Variants in DLG1 observed in about 807,000 individuals in gnomAD.
DLG1 encodes the protein discs large MAGUK scaffold protein 1, also known as disks large homolog 1.
In DLG1, 42 loss-of-function variants were observed where a neutral mutation model predicts 123.4. That is an observed-to-expected ratio of 0.34 (90% CI 0.27 to 0.44). The LOEUF (loss-of-function observed/expected upper bound fraction) is 0.44. Among genes scored for constraint, DLG1 ranks in the 20% least tolerant of loss-of-function variants. The pLI is 1.00. For missense variants in DLG1, 942 were observed against 1,082.6 expected (o/e 0.87, Z 1.82); for synonymous variants, 317 against 356.2 (o/e 0.89, Z 1.24).
intron 24 of DLG1, among the ~76,000 whole-genome samples, chr3:197,046,159 C>CCAA (rs1289664371): frequency 1.3e-5 from 2 of 152,054 alleles, no homozygotes; most frequent in African/African-American, 4.8e-5. Flanking sequence ...TTGATGCACC[C>CCAA]CAACAGCACA....
intron 4 of DLG1, among the ~76,000 whole-genome samples, chr3:197,195,122 C>T (rs1721760445): frequency 6.6e-6 from 1 of 151,816 alleles, no homozygotes; most frequent in Non-Finnish European, 1.5e-5. Context: ...AGCTTCCTCA[C>T]ACCAAGCTGA....
At chr3:197,046,562 G>A (rs560261876) in intron 24 of DLG1, among the ~76,000 whole-genome samples, 2 of 152,264 alleles carry the variant, frequency 1.3e-5, no homozygotes, top group South Asian at 4.1e-4. Flanking sequence ...AATTGAGGGA[G>A]GGACATTTTA....
chr3:197,255,888 G>A (rs1756622681), intron 4 of DLG1, among the ~76,000 whole-genome samples: 1 of 152,052 alleles, frequency 6.6e-6, no homozygotes, highest in South Asian at 2.1e-4. Context: ...AGTGATTGCA[G>A]TTATAAAAAG....
intron 5 of DLG1, among the ~76,000 whole-genome samples, chr3:197,192,467 A>G (rs1330251476): frequency 6.6e-6 from 1 of 151,970 alleles, no homozygotes; most frequent in African/African-American, 2.4e-5. Flanking sequence ...GAAACCAAAA[A>G]AGAAAAAAAT....
chr3:197,179,218 G>A (rs1307837192), intron 5 of DLG1, among the ~76,000 whole-genome samples: 1 of 152,284 alleles, frequency 6.6e-6, no homozygotes, highest in African/African-American at 2.4e-5. Flanking sequence ...AAGGGATTTA[G>A]GATCTAAAAA....
chr3:197,157,354 A>C (rs1393910591), intron 5 of DLG1, among the ~76,000 whole-genome samples: 1 of 152,248 alleles, frequency 6.6e-6, no homozygotes, highest in African/African-American at 2.4e-5. Context: ...GTCAATACAC[A>C]AAAATCAGTT....
intron 17 of DLG1, chr3:197,078,539 T>C (rs554729330): frequency 6.6e-6 from 1 of 152,206 alleles, no homozygotes; most frequent in South Asian, 2.1e-4. Flanking sequence ...AGGAACTAGA[T>C]AAAAGAGAAC....
At chr3:197,183,835 A>G in intron 5 of DLG1, 1 of 1,543,068 alleles carries the variant, frequency 6.5e-7, no homozygotes, top group Non-Finnish European at 8.8e-7. Context: ...GTGGTTGCCA[A>G]GCAGGCTTAC....
At chr3:197,120,728 C>A (rs1775895590) in intron 11 of DLG1, among the ~76,000 whole-genome samples, 1 of 152,120 alleles carries the variant, frequency 6.6e-6, no homozygotes, top group African/African-American at 2.4e-5. Context: ...GGATGAAAGA[C>A]AACAGGAAAT....
rs1730163967 is a variant in DLG1, at chr3:197,209,294, GAA to G, written c.319-14707_319-14706del. On this transcript the variant is annotated intron_variant, in intron 4 of 24. Coordinates refer to ENST00000667157, the MANE Select transcript of DLG1 (RefSeq NM_001366207.1). ...CTTCAAGACAGAGTATTTATCTAAA[GAA>G]AAAGAGATTTCAAAATGCTAAAAAT... Among the ~76,000 whole-genome samples the G allele has an allele frequency of 1.4e-5, 2 of 146,432 alleles. 1 individual carries two copies.
intron 24 of DLG1, among the ~76,000 whole-genome samples, chr3:197,050,375 A>C (rs1726634397): frequency 6.7e-6 from 1 of 149,162 alleles, no homozygotes; most frequent in African/African-American, 2.4e-5. Flanking sequence ...TCAAAAAAAA[A>C]CAACAACAAA....
chr3:197,074,936 G>T (rs9837230), intron 18 of DLG1, among the ~76,000 whole-genome samples: 113,882 of 151,794 alleles, frequency 0.75, 42,881 homozygotes, highest in East Asian at 0.82. Context: ...ATCAATGAAT[G>T]ACAAAGAAGT....
intron 3 of DLG1, among the ~76,000 whole-genome samples, chr3:197,291,265 T>A (rs1035316393): frequency 6.6e-6 from 1 of 151,228 alleles, no homozygotes; most frequent in Non-Finnish European, 1.5e-5. Flanking sequence ...GTGATCCATA[T>A]CCTGTTTTCC....
chr3:197,272,421 T>C lies in DLG1; in HGVS notation c.318+10258A>G, dbSNP rs182461826. On this transcript the variant is annotated intron_variant, in intron 4 of 24. Transcript: ENST00000667157. ...TTTATTAGGTTTTAATCTCTTTTAA[T>C]ATGTCACTCACAAAGTTTTAAGTGT... Among the ~76,000 whole-genome samples, 7 of 152,314 alleles carry C rather than the reference T, an allele frequency of 4.6e-5. No homozygotes were observed. In the East Asian group the frequency reaches 1.3e-3, roughly 29 times the overall value.
chr3:197,091,352 T>C (rs1160715029), intron 14 of DLG1, among the ~76,000 whole-genome samples: 1 of 151,936 alleles, frequency 6.6e-6, no homozygotes, highest in Non-Finnish European at 1.5e-5. Context: ...GTGTAAATTT[T>C]AAAAATCAGG....
At chr3:197,292,016 G>C (rs926482565) in intron 3 of DLG1, among the ~76,000 whole-genome samples, 1 of 152,164 alleles carries the variant, frequency 6.6e-6, no homozygotes, top group African/African-American at 2.4e-5. Context: ...TGTGCTGCTG[G>C]TGAGACTGTA....
intron 23 of DLG1, among the ~76,000 whole-genome samples, chr3:197,054,868 T>G (rs1578200088): frequency 6.6e-6 from 1 of 151,866 alleles, no homozygotes; most frequent in African/African-American, 2.4e-5. Context: ...TAGGCTGGGG[T>G]GCAATGGTAT....
At chr3:197,297,995 G>A (rs1778353940) in intron 1 of DLG1, 3 of 909,356 alleles carry the variant, frequency 3.3e-6, no homozygotes, top group Non-Finnish European at 1.3e-6. Flanking sequence ...CTTCTCGGCC[G>A]CGCCGCCTCC....
chr3:197,151,513 T>C (rs1219160046), intron 5 of DLG1, among the ~76,000 whole-genome samples: 7 of 152,098 alleles, frequency 4.6e-5, no homozygotes, highest in African/African-American at 1.4e-4. Flanking sequence ...AATAAAACAA[T>C]GGAAGGTTGG....
Sources: gnomAD v4.1 joint callset for allele counts (sites outside exome capture counted in the v4.1 genomes callset) on GRCh38, gnomAD v4.1.1 for gene constraint, MANE v1.5 for transcripts, NCBI Gene and HGNC (gene_info 2026-07-23, HGNC 2026-07-21) for gene names.